The following SKAP1 variants were observed in gnomAD, a reference collection of about 807,000 sequenced individuals.
The protein encoded by SKAP1 is src kinase associated phosphoprotein 1, also known as src kinase-associated phosphoprotein 1.
A neutral mutation model predicts 58.5 loss-of-function variants in SKAP1; 44 were observed. That is an observed-to-expected ratio of 0.75 (90% CI 0.59 to 0.97). SKAP1 has a LOEUF of 0.97. SKAP1 is among the 50% of genes least tolerant of loss of function. The probability of loss-of-function intolerance (pLI) is 0.00; values close to 1 mark genes in which losing one functional copy is unlikely to be tolerated. For synonymous variants in SKAP1, 127 were observed against 149.7 expected (o/e 0.85, Z 1.11); for missense variants, 390 against 435.2 (o/e 0.90, Z 0.92).
intron 4 of SKAP1, among the ~76,000 whole-genome samples, chr17:48,218,896 C>T (rs1166824152): frequency 6.6e-6 from 1 of 151,236 alleles, no homozygotes; most frequent in Non-Finnish European, 1.5e-5. Flanking sequence ...AAAAAAAAAA[C>T]CCTCATGGGG....
At chr17:48,192,367 C>A (rs1472584091) in intron 4 of SKAP1, among the ~76,000 whole-genome samples, 2 of 151,826 alleles carry the variant, frequency 1.3e-5, no homozygotes, top group Non-Finnish European at 2.9e-5. Flanking sequence ...GAGTCTGAAT[C>A]ATAAAAGACA....
chr17:48,366,315 G>T (rs2067001175), intron 2 of SKAP1, among the ~76,000 whole-genome samples: 1 of 152,112 alleles, frequency 6.6e-6, no homozygotes, highest in Non-Finnish European at 1.5e-5. Context: ...CTGACAATTT[G>T]TCCTTCCTTG....
chr17:48,304,771 T>C (rs778773313), intron 4 of SKAP1, among the ~76,000 whole-genome samples: 3 of 152,212 alleles, frequency 2.0e-5, no homozygotes, highest in Non-Finnish European at 2.9e-5. Context: ...TACACAGTAT[T>C]GAATTCAAAG....
intron 4 of SKAP1, among the ~76,000 whole-genome samples, chr17:48,335,715 A>T (rs1160064151): frequency 6.6e-6 from 1 of 152,116 alleles, no homozygotes; most frequent in Non-Finnish European, 1.5e-5. Flanking sequence ...AAAGAAAAAA[A>T]TATCTGTGAA....
intron 4 of SKAP1, among the ~76,000 whole-genome samples, chr17:48,197,659 G>A (rs2064656452): frequency 6.6e-6 from 1 of 152,082 alleles, no homozygotes; most frequent in African/African-American, 2.4e-5. Flanking sequence ...AGCCTAGGTG[G>A]CAGAACAAGA....
intron 11 of SKAP1, among the ~76,000 whole-genome samples, chr17:48,147,407 G>A (rs767360941): frequency 3.9e-5 from 6 of 152,016 alleles, no homozygotes; most frequent in Non-Finnish European, 8.8e-5. Context: ...TTTTACTCTG[G>A]ATTTCCCCAC....
intron 4 of SKAP1, among the ~76,000 whole-genome samples, chr17:48,340,649 A>G (rs893836356): frequency 1.3e-5 from 2 of 152,160 alleles, no homozygotes; most frequent in African/African-American, 4.8e-5. Flanking sequence ...TCAATAATAA[A>G]AGAGTAGGTT....
At chr17:48,312,391 T>C (rs1167603937) in intron 4 of SKAP1, among the ~76,000 whole-genome samples, 1 of 152,244 alleles carries the variant, frequency 6.6e-6, no homozygotes, top group Non-Finnish European at 1.5e-5. Context: ...ACTAGAACAA[T>C]TTTATAGAAA....
At chr17:48,265,798 C>A (rs1271410686) in intron 4 of SKAP1, among the ~76,000 whole-genome samples, 1 of 152,128 alleles carries the variant, frequency 6.6e-6, no homozygotes, top group African/African-American at 2.4e-5. Flanking sequence ...TGTATCTGCC[C>A]AAAGGCAAAC....
the SKAP1 span, among the ~76,000 whole-genome samples, chr17:48,444,589 G>C: frequency 6.6e-6 from 1 of 152,130 alleles, no homozygotes; most frequent in African/African-American, 2.4e-5. Flanking sequence ...CTTGTTCAAG[G>C]GCTTTCTCTA....
intron 4 of SKAP1, among the ~76,000 whole-genome samples, chr17:48,291,276 T>TA (rs1362815887): frequency 6.6e-6 from 1 of 152,188 alleles, no homozygotes; most frequent in Non-Finnish European, 1.5e-5. Context: ...ATTTGAGAGT[T>TA]AATTTTTAAA....
upstream of SKAP1, among the ~76,000 whole-genome samples, chr17:48,434,164 T>C (rs548478336): frequency 2.0e-5 from 3 of 152,300 alleles, no homozygotes; most frequent in East Asian, 5.8e-4. Flanking sequence ...CCCAACCCCA[T>C]CAACCGGGTT....
At chr17:48,418,304 A>T (rs755816113) in intron 1 of SKAP1, among the ~76,000 whole-genome samples, 4 of 152,180 alleles carry the variant, frequency 2.6e-5, no homozygotes, top group Non-Finnish European at 4.4e-5. Flanking sequence ...AAACCCCAAG[A>T]AACAAACAAC....
chr17:48,429,405 T>C (rs1206914072), intron 1 of SKAP1, among the ~76,000 whole-genome samples: 2 of 152,118 alleles, frequency 1.3e-5, no homozygotes, highest in Admixed American at 6.5e-5. Flanking sequence ...TTAGACACTG[T>C]AGTTGGAAGG....
chr17:48,198,440 G>A (rs1263857235), intron 4 of SKAP1, among the ~76,000 whole-genome samples: 1 of 113,236 alleles, frequency 8.8e-6, no homozygotes, highest in Non-Finnish European at 1.7e-5. Flanking sequence ...GGGAGACACA[G>A]CGAGACTCCG....
intron 4 of SKAP1, among the ~76,000 whole-genome samples, chr17:48,336,397 T>C (rs1259672913): frequency 1.3e-5 from 2 of 152,206 alleles, no homozygotes; most frequent in East Asian, 3.9e-4. Flanking sequence ...ATAAAATACC[T>C]AAGCACTGGA....
At chr17:48,301,310 C>T (rs763836483) in intron 4 of SKAP1, among the ~76,000 whole-genome samples, 6 of 152,072 alleles carry the variant, frequency 3.9e-5, no homozygotes, top group Non-Finnish European at 5.9e-5. Context: ...CCTCTCTATT[C>T]CCACCAACCC....
chr17:48,313,824 T>C (rs988042335), intron 4 of SKAP1, among the ~76,000 whole-genome samples: 2 of 152,112 alleles, frequency 1.3e-5, no homozygotes, highest in African/African-American at 4.8e-5. Context: ...GTTTAAACCA[T>C]AGGGCTCTGT....
chr17:48,261,201 T>C (rs1221418035), intron 4 of SKAP1, among the ~76,000 whole-genome samples: 1 of 152,196 alleles, frequency 6.6e-6, no homozygotes, highest in East Asian at 1.9e-4. Context: ...GATGTTTATC[T>C]GAATTAGTTG....
Sources: allele counts gnomAD v4.1 joint callset (sites outside exome capture counted in the v4.1 genomes callset), GRCh38; gene constraint gnomAD v4.1.1; transcripts MANE v1.5; gene names NCBI Gene and HGNC (gene_info 2026-07-23, HGNC 2026-07-21).